Variants in TIMD4 observed in about 807,000 individuals in gnomAD.
TIMD4 encodes T cell immunoglobulin and mucin domain containing 4.
TIMD4 carries 31 observed loss-of-function variants against 41.2 expected under a neutral mutation model. That is an observed-to-expected ratio of 0.75 (90% CI 0.57 to 1.01). TIMD4 has a LOEUF of 1.01. TIMD4 is among the 50% of genes least tolerant of loss of function. The pLI is 0.00. For synonymous variants in TIMD4, 204 were observed against 177.1 expected, an observed-to-expected ratio of 1.15 and a Z score of -1.21; for missense variants, 479 against 472.5, an observed-to-expected ratio of 1.01 and a Z score of -0.13.
In TIMD4 at chr5:156,919,457, T is replaced by TTG; in HGVS notation, c.1136_1137insCA (p.Ter379TyrfsTer8). The TTG allele has an allele frequency of 6.2e-7, 1 of 1,613,890 alleles. No individual in the cohort carries two copies. The highest frequency in any genetic ancestry group is 2.2e-5 in the East Asian group (1 of 44,874). On this transcript the variant is annotated frameshift_variant and stop_lost, in exon 9 of 9. Coordinates refer to ENST00000274532, the MANE Select transcript of TIMD4 (RefSeq NM_138379.3). LOFTEE classifies it high-confidence loss of function. The stretch of plus-strand genomic sequence containing the variant: ...CTCAATCTAACATGCTACTGCGTTG[T>TTG]TAGAGGGTAAAAAGGCCGTCTTCGT...
At chr5:156,924,986 C>T (rs1759318949) in intron 6 of TIMD4, among the ~76,000 whole-genome samples, 1 of 151,806 alleles carries the variant, frequency 6.6e-6, no homozygotes, top group South Asian at 2.1e-4. Context: ...TGATTAAAAT[C>T]CAAGTTAAAA....
chr5:156,919,364 G>A lies in TIMD4; in HGVS notation c.*93C>T. The A allele has an allele frequency of 1.7e-6, 2 of 1,174,208 alleles. No individual in the cohort carries two copies. Among genetic ancestry groups the A allele is most frequent in the Admixed American group, 1.9e-5 (1 of 53,968 alleles). 72.7% of individuals were successfully genotyped at this position (1,174,208 alleles called of 1,614,324 possible). Reference sequence around the variant, plus strand: ...GATCAATGACATCCATGGAATAAGTGAGTCTTTTTTATGAAACAAGGAAAT... The same window carrying A: ...GATCAATGACATCCATGGAATAAGTAAGTCTTTTTTATGAAACAAGGAAAT... On this transcript the variant is annotated 3_prime_UTR_variant, in exon 9 of 9. Coordinates refer to ENST00000274532, the MANE Select transcript of TIMD4 (RefSeq NM_138379.3).
chr5:156,959,906 G>T lies in TIMD4; in HGVS notation c.58+3235C>A, dbSNP rs141727036. Among the ~76,000 whole-genome samples, 558 of 152,100 alleles carry T rather than the reference G, an allele frequency of 3.7e-3. 6 individuals carry two copies. Among genetic ancestry groups the T allele is most frequent in the African/African-American group, 0.013 (542 of 41,484 alleles). ...AAAATACAAAAAATTAGCCAGCTGT[G>T]GTGGCGGGCGCCTGCAATCTCAGCT... On this transcript the variant is annotated intron_variant, in intron 1 of 8. Transcript: ENST00000274532.
intron 5 of TIMD4, among the ~76,000 whole-genome samples, chr5:156,928,154 C>G (rs1366227048): frequency 6.6e-6 from 1 of 152,086 alleles, no homozygotes. Context: ...CAAAAATTAG[C>G]TGGCATGGTG....
chr5:156,946,479 T>TTTTG (rs902629038), intron 5 of TIMD4, among the ~76,000 whole-genome samples: 2 of 152,068 alleles, frequency 1.3e-5, no homozygotes, highest in African/African-American at 2.4e-5. Context: ...CTGAGCTTTT[T>TTTTG]TTTGTTTGTT....
chr5:156,940,638 G>A (rs1240277166), intron 5 of TIMD4, among the ~76,000 whole-genome samples: 5 of 150,168 alleles, frequency 3.3e-5, no homozygotes, highest in Admixed American at 2.0e-4. Context: ...ATCTCTACCC[G>A]GCCACCACCC....
At chr5:156,921,616 CAAAAAAAAAAAAAA>C (rs66842169) in intron 7 of TIMD4, among the ~76,000 whole-genome samples, 6 of 47,252 alleles carry the variant, frequency 1.3e-4, no homozygotes, top group Admixed American at 8.7e-4. Context: ...GAGACTCTCT[CAAAAAAAAAAAAAA>C]AAAAAAAAAA....
intron 5 of TIMD4, among the ~76,000 whole-genome samples, chr5:156,939,243 T>A (rs1759596901): frequency 6.6e-6 from 1 of 152,198 alleles, no homozygotes; most frequent in Non-Finnish European, 1.5e-5. Context: ...CAAGCCTTAG[T>A]TTTTCTCCTT....
In TIMD4 at chr5:156,929,512, G is replaced by A. The variant is rs117137092; in HGVS notation, c.845-3200C>T. Among the ~76,000 whole-genome samples, 19 of 152,290 alleles carry A rather than the reference G, an allele frequency of 1.2e-4. No homozygotes were observed. The East Asian group carries it at 3.7e-3, about 29-fold the overall frequency. ...GTAGGCCCTAAATCCAATGATTGGT[G>A]TCCTTAAGAGAAGGGGTCACAGAGA... On this transcript the variant is annotated intron_variant, in intron 5 of 8. Transcript: ENST00000274532.
In TIMD4 at chr5:156,937,383, A is replaced by G. The variant is rs528804737; in HGVS notation, c.844+11033T>C. On this transcript the variant is annotated intron_variant, in intron 5 of 8. Transcript: ENST00000274532. ...TTGACTTGTTTATAGGGCAGAAAACAGAGAGAGAGACCACACTGCAGAACA... is the reference window on the plus strand; with the variant it reads ...TTGACTTGTTTATAGGGCAGAAAACGGAGAGAGAGACCACACTGCAGAACA... Among the ~76,000 whole-genome samples, 21 of 94,304 alleles carry G rather than the reference A, an allele frequency of 2.2e-4. No individual in the cohort carries two copies. In the East Asian group the frequency reaches 5.0e-3, roughly 23 times the overall value. 61.9% of individuals were successfully genotyped at this position (94,304 alleles called of 152,430 possible).
chr5:156,956,126 C>G (rs542843832), intron 1 of TIMD4, among the ~76,000 whole-genome samples: 4 of 152,196 alleles, frequency 2.6e-5, no homozygotes, highest in Non-Finnish European at 4.4e-5. Context: ...TCCCCTTTCA[C>G]TATCCCACCC....
chr5:156,945,930 C>T (rs554379120), intron 5 of TIMD4, among the ~76,000 whole-genome samples: 2 of 152,254 alleles, frequency 1.3e-5, no homozygotes, highest in East Asian at 1.9e-4. Context: ...TAGAACATAA[C>T]ACGTGCGCAA....
chr5:156,925,251 G>A (rs1022560957), intron 6 of TIMD4, among the ~76,000 whole-genome samples: 9 of 152,162 alleles, frequency 5.9e-5, no homozygotes, highest in Non-Finnish European at 8.8e-5. Flanking sequence ...CAGAGGTTGC[G>A]GTGAGTCAAG....
intron 5 of TIMD4, among the ~76,000 whole-genome samples, chr5:156,927,815 G>GGTAA (rs1561545118): frequency 6.6e-6 from 1 of 152,116 alleles, no homozygotes; most frequent in African/African-American, 2.4e-5. Context: ...AGTGGAGAAG[G>GGTAA]GTAAGTCTAG....
At chr5:156,938,792 C>T (rs1759585972) in intron 5 of TIMD4, among the ~76,000 whole-genome samples, 1 of 152,198 alleles carries the variant, frequency 6.6e-6, no homozygotes, top group Non-Finnish European at 1.5e-5. Flanking sequence ...AGAGCTCATA[C>T]TCTCTGTTCA....
chr5:156,939,068 C>T (rs567341629), intron 5 of TIMD4, among the ~76,000 whole-genome samples: 1 of 152,288 alleles, frequency 6.6e-6, no homozygotes, highest in African/African-American at 2.4e-5. Flanking sequence ...CCCTTTGCAC[C>T]TCTTCACCTC....
At chr5:156,940,158 C>G (rs560648041) in intron 5 of TIMD4, among the ~76,000 whole-genome samples, 3 of 152,364 alleles carry the variant, frequency 2.0e-5, no homozygotes, top group South Asian at 2.1e-4. Flanking sequence ...GGGTTTCGCC[C>G]TGTTGGCCGG....
chr5:156,944,800 T>G lies in TIMD4; in HGVS notation c.844+3616A>C, dbSNP rs1350867600. Among the ~76,000 whole-genome samples, 7 of 151,964 alleles carry G rather than the reference T, an allele frequency of 4.6e-5. No homozygotes were observed. In the East Asian group the frequency reaches 1.2e-3, roughly 25 times the overall value. Reference sequence around the variant, plus strand: ...GATTACAGGCTTGAGCCACTGTGCCTGGCCTCCCAAAGTGCTGGGATTACA... The same window carrying G: ...GATTACAGGCTTGAGCCACTGTGCCGGGCCTCCCAAAGTGCTGGGATTACA... On this transcript the variant is annotated intron_variant, in intron 5 of 8. Coordinates refer to ENST00000274532, the MANE Select transcript of TIMD4 (RefSeq NM_138379.3).
chr5:156,940,607 C>T (rs1167334590), intron 5 of TIMD4, among the ~76,000 whole-genome samples: 1 of 142,864 alleles, frequency 7.0e-6, no homozygotes, highest in Non-Finnish European at 1.5e-5. Context: ...GCCCGGCCGC[C>T]CCGTCTGGGA....
Sources: gnomAD v4.1 joint callset for allele counts (sites outside exome capture counted in the v4.1 genomes callset) on GRCh38, gnomAD v4.1.1 for gene constraint, MANE v1.5 for transcripts, NCBI Gene and HGNC (gene_info 2026-07-23, HGNC 2026-07-21) for gene names.